The following ATRNL1 variants were observed in gnomAD, a reference collection of about 807,000 sequenced individuals.
ATRNL1 encodes attractin-like protein 1.
In ATRNL1, 95 loss-of-function variants were observed where a neutral mutation model predicts 182.7. The ratio of observed to expected loss-of-function variants is 0.52; its 90% CI spans 0.44 to 0.62. ATRNL1 has a LOEUF of 0.62. ATRNL1 is among the 20% of genes least tolerant of loss of function. The probability of loss-of-function intolerance (pLI) is 0.00; values close to 1 mark genes in which losing one functional copy is unlikely to be tolerated. For missense variants in ATRNL1, 1,471 were observed against 1,679.5 expected, an observed-to-expected ratio of 0.88 and a Z score of 2.17; for synonymous variants, 576 against 568.3, an observed-to-expected ratio of 1.01 and a Z score of -0.19.
intron 26 of ATRNL1, among the ~76,000 whole-genome samples, chr10:115,608,163 G>A (rs1187734367): frequency 1.3e-5 from 2 of 151,772 alleles, no homozygotes; most frequent in Non-Finnish European, 2.9e-5. Flanking sequence ...TAAGGACATG[G>A]TAATTTGTAT....
At chr10:115,662,212 T>C (rs1860738252) in intron 26 of ATRNL1, among the ~76,000 whole-genome samples, 1 of 152,068 alleles carries the variant, frequency 6.6e-6, no homozygotes, top group Non-Finnish European at 1.5e-5. Context: ...AAGTCTTTGC[T>C]ATTGTGAATA....
chr10:115,243,918 T>C (rs1554903526), intron 10 of ATRNL1, among the ~76,000 whole-genome samples: 6 of 152,144 alleles, frequency 3.9e-5, no homozygotes. Context: ...AAAAATGTTC[T>C]CTAAAATAAT....
At chr10:115,858,483 G>C (rs1951237187) in intron 28 of ATRNL1, among the ~76,000 whole-genome samples, 1 of 152,162 alleles carries the variant, frequency 6.6e-6, no homozygotes, top group African/African-American at 2.4e-5. Context: ...ACTGGGAGCT[G>C]AACAATGAGA....
chr10:115,637,396 T>A (rs1162580129), intron 26 of ATRNL1, among the ~76,000 whole-genome samples: 3 of 152,072 alleles, frequency 2.0e-5, no homozygotes, highest in Admixed American at 1.3e-4. Context: ...TTAGTTTTTT[T>A]AAAAAAACTT....
At chr10:115,909,323 G>A (rs1052719843) in intron 28 of ATRNL1, 1 of 152,234 alleles carries the variant, frequency 6.6e-6, no homozygotes, top group South Asian at 2.1e-4. Context: ...AATGCAAATA[G>A]TGGCAGCTTT....
At chr10:115,333,912 T>C (rs1855356147) in intron 18 of ATRNL1, among the ~76,000 whole-genome samples, 1 of 152,238 alleles carries the variant, frequency 6.6e-6, no homozygotes, top group African/African-American at 2.4e-5. Context: ...AGATGAATTT[T>C]AGCATTCTTT....
At chr10:115,831,950 C>T (rs886129676) in intron 27 of ATRNL1, among the ~76,000 whole-genome samples, 6 of 151,920 alleles carry the variant, frequency 3.9e-5, no homozygotes, top group Admixed American at 1.3e-4. Flanking sequence ...TTAAATTCCC[C>T]GACAAATAGT....
chr10:115,333,808 T>C (rs1399433177), intron 18 of ATRNL1, among the ~76,000 whole-genome samples: 1 of 152,136 alleles, frequency 6.6e-6, no homozygotes, highest in Non-Finnish European at 1.5e-5. Context: ...TTTTTATTAA[T>C]TTTACTATTA....
rs2084943596 is a variant in ATRNL1, at chr10:115,093,952, T to C, written c.202T>C (p.Ser68Pro). 1.3e-6 allele frequency: 2 copies of C among 1,589,634 alleles called. No individual in the cohort carries two copies. Among genetic ancestry groups the C allele is most frequent in the Non-Finnish European group, 1.7e-6 (2 of 1,169,926 alleles). ...SQSKPCERTGSCFSGRCVNST... is the reference protein window; with the variant it reads ...SQSKPCERTGPCFSGRCVNST... ...GTCCAAGCCGTGCGAGAGGACCGGC[T>C]CCTGCTTCTCGGGCCGCTGTGTCAA... Residue 68 changes from serine to proline, a missense_variant, in exon 1 of 29, where the codon TCC (serine) becomes CCC (proline). By Grantham distance (74) the Ser-to-Pro change is moderately conservative. This residue lies in a region of ATRNL1 where 1,031 missense variants were observed against 1,156.0 expected (regional missense o/e 0.89). Coordinates refer to ENST00000355044, the MANE Select transcript of ATRNL1 (RefSeq NM_207303.4). This position sits in a 1 kb window ranked among gnomAD's most constrained non-coding sequence, Gnocchi z 6.1.
intron 5 of ATRNL1, among the ~76,000 whole-genome samples, chr10:115,138,246 C>T (rs1306391886): frequency 2.0e-5 from 3 of 152,350 alleles, no homozygotes; most frequent in Middle Eastern, 3.4e-3. Context: ...TTTCCAGGCA[C>T]ATGGTGCAAG....
intron 27 of ATRNL1, among the ~76,000 whole-genome samples, chr10:115,770,904 A>G (rs1257432945): frequency 1.3e-5 from 2 of 152,182 alleles, no homozygotes; most frequent in South Asian, 2.1e-4. Flanking sequence ...AACGTTTTTA[A>G]GTCAGGTGCT....
intron 26 of ATRNL1, among the ~76,000 whole-genome samples, chr10:115,679,532 A>C (rs1945980302): frequency 6.6e-6 from 1 of 151,962 alleles, no homozygotes; most frequent in South Asian, 2.1e-4. Flanking sequence ...CTACATTGGG[A>C]CTATCTGACT....
intron 18 of ATRNL1, among the ~76,000 whole-genome samples, chr10:115,319,664 C>A (rs552258357): frequency 1.2e-4 from 17 of 147,720 alleles, no homozygotes; most frequent in African/African-American, 4.0e-4. Context: ...CTTTTTAAAT[C>A]TTTGTTGGTT....
intron 26 of ATRNL1, among the ~76,000 whole-genome samples, chr10:115,566,101 T>C (rs1555001735): frequency 6.6e-6 from 1 of 152,042 alleles, no homozygotes; most frequent in East Asian, 1.9e-4. Flanking sequence ...TTTTTCATTC[T>C]TTTTTTTATT....
chr10:115,231,924 T>TGAGTTAGGGAAGTGTA (rs1169555834), intron 9 of ATRNL1, among the ~76,000 whole-genome samples: 9 of 152,028 alleles, frequency 5.9e-5, no homozygotes, highest in Non-Finnish European at 1.0e-4. Flanking sequence ...GGAGAGTGAA[T>TGAGTTAGGGAAGTGTA]GAGTTAGGGA....
chr10:115,570,653 G>A (rs1183580656), intron 26 of ATRNL1, among the ~76,000 whole-genome samples: 1 of 152,122 alleles, frequency 6.6e-6, no homozygotes, highest in Non-Finnish European at 1.5e-5. Flanking sequence ...CTGTAGATGG[G>A]GGCTATGAAT....
At chr10:115,463,737 CAT>C (rs1847924729) in intron 22 of ATRNL1, among the ~76,000 whole-genome samples, 1 of 152,012 alleles carries the variant, frequency 6.6e-6, no homozygotes, top group Non-Finnish European at 1.5e-5. Context: ...CTAGGTACCT[CAT>C]ATAAATGTAA....
At chr10:115,230,913 G>GAGAGAGAGAGAGAGAGAGAGAGAA (rs1849914042) in intron 9 of ATRNL1, among the ~76,000 whole-genome samples, 4 of 117,604 alleles carry the variant, frequency 3.4e-5, no homozygotes, top group African/African-American at 1.4e-4. Context: ...GAGAGAGAGA[G>GAGAGAGAGAGAGAGAGAGAGAGAA]AGAGAGAGAA....
At chr10:115,547,092 A>G (rs1326870540) in intron 25 of ATRNL1, among the ~76,000 whole-genome samples, 3 of 151,770 alleles carry the variant, frequency 2.0e-5, no homozygotes, top group Non-Finnish European at 4.4e-5. Context: ...CATCTCTACT[A>G]AAAATACAAA....
Sources: gnomAD v4.1 joint callset for allele counts (sites outside exome capture counted in the v4.1 genomes callset) on GRCh38, gnomAD v4.1.1 for gene constraint, gnomAD v4.1.1 regional missense constraint, Gnocchi (gnomAD v3.1) non-coding constraint, MANE v1.5 for transcripts, NCBI Gene and HGNC (gene_info 2026-07-23, HGNC 2026-07-21) for gene names.